Variants in PTPRN2 observed in about 807,000 individuals in gnomAD.
PTPRN2 encodes receptor-type tyrosine-protein phosphatase N2.
In PTPRN2, 74 loss-of-function variants were observed where a neutral mutation model predicts 118.8. The observed-to-expected ratio is 0.62, with a 90% CI of 0.52 to 0.76. PTPRN2 has a LOEUF of 0.76. PTPRN2 is among the 30% of genes least tolerant of loss of function. The pLI, the probability that PTPRN2 is intolerant of heterozygous loss-of-function variation, is 0.00. For synonymous variants in PTPRN2, 641 were observed against 608.0 expected, an observed-to-expected ratio of 1.05 and a Z score of -0.80; for missense variants, 1,481 against 1,394.4, an observed-to-expected ratio of 1.06 and a Z score of -0.99.
At chr7:157,969,519 G>A in intron 11 of PTPRN2, among the ~76,000 whole-genome samples, 1 of 152,178 alleles carries the variant, frequency 6.6e-6, no homozygotes, top group East Asian at 1.9e-4. Context: ...GAGCTGGGAG[G>A]TGGTGGCAGG....
At chr7:158,114,364 A>G (rs899596809) in intron 9 of PTPRN2, among the ~76,000 whole-genome samples, 4 of 152,200 alleles carry the variant, frequency 2.6e-5, no homozygotes, top group African/African-American at 4.8e-5. Flanking sequence ...TTGTTCAGGC[A>G]TCTGCTTTGG....
intron 2 of PTPRN2, among the ~76,000 whole-genome samples, chr7:158,343,316 G>A (rs111912899): frequency 0.015 from 2,212 of 152,242 alleles, 57 homozygotes; most frequent in African/African-American, 0.05. Flanking sequence ...CATCACCAGC[G>A]TCAAGGCAAC....
intron 12 of PTPRN2, among the ~76,000 whole-genome samples, chr7:157,722,142 G>T (rs1225063152): frequency 7.2e-5 from 11 of 152,202 alleles, no homozygotes; most frequent in Admixed American, 5.9e-4. Flanking sequence ...TGTCTGTGAG[G>T]TCAGCTCCCC....
At chr7:158,340,427 ACT>A (rs1806474260) in intron 2 of PTPRN2, among the ~76,000 whole-genome samples, 1 of 49,392 alleles carries the variant, frequency 2.0e-5, no homozygotes, top group African/African-American at 6.2e-5. Context: ...TCACACACAC[ACT>A]CTCACCGTAA....
At chr7:158,107,499 C>A (rs1346245129) in intron 10 of PTPRN2, among the ~76,000 whole-genome samples, 1 of 152,078 alleles carries the variant, frequency 6.6e-6, no homozygotes, top group East Asian at 1.9e-4. Context: ...ACATCCCAGG[C>A]CACTCTGGGA....
intron 2 of PTPRN2, among the ~76,000 whole-genome samples, chr7:158,366,357 G>A (rs747951611): frequency 7.1e-6 from 1 of 141,140 alleles, no homozygotes; most frequent in Non-Finnish European, 1.5e-5. Flanking sequence ...AGAAGCCACA[G>A]CCCAATGCAC....
chr7:158,002,667 A>G (rs1343457191), intron 11 of PTPRN2, among the ~76,000 whole-genome samples: 2 of 152,140 alleles, frequency 1.3e-5, no homozygotes, highest in Non-Finnish European at 1.5e-5. Flanking sequence ...AGCCTGGGAA[A>G]TGTCCAGGAA....
intron 7 of PTPRN2, 106 bp downstream of exon 7, chr7:158,138,188 C>A: frequency 2.1e-6 from 2 of 974,196 alleles, no homozygotes; most frequent in Non-Finnish European, 3.0e-6. Flanking sequence ...ATCTCCCCAG[C>A]AGAAAGCCCA....
intron 6 of PTPRN2, among the ~76,000 whole-genome samples, chr7:158,147,418 C>A (rs1820228868): frequency 1.4e-5 from 1 of 69,604 alleles, no homozygotes; most frequent in Admixed American, 1.2e-4. Context: ...CAATGACACC[C>A]CATCTCATGC....
chr7:158,447,581 C>G (rs571365395), intron 2 of PTPRN2, among the ~76,000 whole-genome samples: 1 of 152,330 alleles, frequency 6.6e-6, no homozygotes, highest in East Asian at 1.9e-4. Flanking sequence ...AGCTTGCTCC[C>G]GCTGCCAGAG....
At chr7:158,383,570 A>C (rs1245498259) in intron 2 of PTPRN2, among the ~76,000 whole-genome samples, 1 of 152,132 alleles carries the variant, frequency 6.6e-6, no homozygotes, top group Non-Finnish European at 1.5e-5. Context: ...ATCCCAAAAA[A>C]TGATATTTTA....
chr7:157,960,819 C>T (rs1801476149), intron 11 of PTPRN2, among the ~76,000 whole-genome samples: 1 of 152,034 alleles, frequency 6.6e-6, no homozygotes, highest in Non-Finnish European at 1.5e-5. Context: ...CCAGCCTGGC[C>T]AACACAGCAA....
chr7:158,320,971 A>C (rs1390619407), intron 2 of PTPRN2, among the ~76,000 whole-genome samples: 1 of 152,202 alleles, frequency 6.6e-6, no homozygotes, highest in Admixed American at 6.5e-5. Context: ...CAGAATTTTG[A>C]AACTATTGCT....
chr7:158,500,855 G>A (rs1437852384), intron 1 of PTPRN2, among the ~76,000 whole-genome samples: 3 of 152,258 alleles, frequency 2.0e-5, no homozygotes, highest in Non-Finnish European at 4.4e-5. Flanking sequence ...AATGCGTCCG[G>A]AGCAGGCCAG....
intron 2 of PTPRN2, among the ~76,000 whole-genome samples, chr7:158,422,746 T>C (rs1815362671): frequency 6.6e-6 from 1 of 151,592 alleles, no homozygotes; most frequent in Non-Finnish European, 1.5e-5. Flanking sequence ...TGCCGGCTTC[T>C]GGGGCCACCA....
Position 158,503,584 on chromosome 7 carries a change from G to A in PTPRN2, c.113-13799C>T, listed in dbSNP as rs576400861. On this transcript the variant is annotated intron_variant, in intron 1 of 22. Coordinates refer to ENST00000389418, the MANE Select transcript of PTPRN2 (RefSeq NM_002847.5). ...TGGAGGACTTGGAAGTAACAGTACC[G>A]AACACTGATGATTCTACTGAGAGAA... Among the ~76,000 whole-genome samples the A allele has an allele frequency of 6.6e-5, 10 of 152,312 alleles. No homozygotes were observed. In the South Asian group the frequency reaches 1.0e-3, roughly 16 times the overall value.
intron 12 of PTPRN2, among the ~76,000 whole-genome samples, chr7:157,723,794 G>A (rs1799375820): frequency 6.6e-6 from 1 of 152,226 alleles, no homozygotes; most frequent in Admixed American, 6.5e-5. Flanking sequence ...AGAGACGTAA[G>A]CCAGCAATGA....
At chr7:157,765,948 C>A (rs1802447941) in intron 12 of PTPRN2, among the ~76,000 whole-genome samples, 1 of 147,494 alleles carries the variant, frequency 6.8e-6, no homozygotes, top group Admixed American at 6.7e-5. Flanking sequence ...CCACCCTTCA[C>A]CCATCCATCC....
chr7:158,485,040 AG>A (rs1430622677), intron 2 of PTPRN2, among the ~76,000 whole-genome samples: 2 of 151,814 alleles, frequency 1.3e-5, no homozygotes, highest in African/African-American at 4.8e-5. Flanking sequence ...GCGTCCCGGG[AG>A]GGCACCTGCG....
Sources: gnomAD v4.1 joint callset for allele counts (sites outside exome capture counted in the v4.1 genomes callset) on GRCh38, gnomAD v4.1.1 for gene constraint, MANE v1.5 for transcripts, NCBI Gene and HGNC (gene_info 2026-07-23, HGNC 2026-07-21) for gene names.